Variants in FHIT observed in about 807,000 individuals in gnomAD.
FHIT encodes the protein fragile histidine triad diadenosine triphosphatase, also known as bis(5'-adenosyl)-triphosphatase.
A neutral mutation model predicts 17.9 loss-of-function variants in FHIT; 19 were observed. The observed-to-expected ratio is 1.06, with a 90% confidence interval of 0.74 to 1.56. The LOEUF (loss-of-function observed/expected upper bound fraction) is 1.56, where lower values mean the gene tolerates loss of function less well. FHIT is among the 40% of genes most tolerant of loss of function. The probability of loss-of-function intolerance (pLI) is 0.00; values close to 1 mark genes in which losing one functional copy is unlikely to be tolerated. For synonymous variants in FHIT, 81 were observed against 69.7 expected (o/e 1.16, Z -0.81); for missense variants, 248 against 189.2 (o/e 1.31, Z -1.82).
At chr3:60,652,201 G>C (rs1381748068) in intron 4 of FHIT, among the ~76,000 whole-genome samples, 4 of 152,152 alleles carry the variant, frequency 2.6e-5, no homozygotes, top group Non-Finnish European at 4.4e-5. Context: ...ATGTAACATT[G>C]ACCACCCTTC....
chr3:60,344,446 G>A lies in FHIT; in HGVS notation c.103+192414C>T, dbSNP rs147035615. ...TTTCAACTGAAGATTCTTGCCTCAT[G>A]TTGGAAACAGATTGAGAAAAGTCAC... is the stretch of plus-strand genomic sequence containing the variant. On this transcript the variant is annotated intron_variant, in intron 5 of 9. Coordinates refer to ENST00000492590, the MANE Select transcript of FHIT (RefSeq NM_002012.4). Among the ~76,000 whole-genome samples the A allele has an allele frequency of 9.4e-3, 1,425 of 152,232 alleles. 20 individuals carry two copies. The highest frequency in any genetic ancestry group is 0.033 in the African/African-American group (1,381 of 41,546).
intron 5 of FHIT, among the ~76,000 whole-genome samples, chr3:60,324,697 G>A (rs1882899): frequency 1.3e-5 from 2 of 151,822 alleles, no homozygotes; most frequent in Non-Finnish European, 2.9e-5. Context: ...AAGAACAAAT[G>A]CGTCCACTAT....
chr3:60,862,974 G>A (rs537863191), intron 3 of FHIT, among the ~76,000 whole-genome samples: 1 of 152,166 alleles, frequency 6.6e-6, no homozygotes, highest in Non-Finnish European at 1.5e-5. Context: ...ACATAGGAAG[G>A]TTATCTTGAA....
chr3:61,019,206 G>C (rs2032274559), intron 3 of FHIT, among the ~76,000 whole-genome samples: 1 of 152,144 alleles, frequency 6.6e-6, no homozygotes, highest in Non-Finnish European at 1.5e-5. Context: ...TTATATGTAT[G>C]TCTTCTCTAT....
chr3:60,049,495 T>G (rs1575975907), intron 5 of FHIT, among the ~76,000 whole-genome samples: 1 of 152,180 alleles, frequency 6.6e-6, no homozygotes, highest in Non-Finnish European at 1.5e-5. Flanking sequence ...AACTTAAATA[T>G]GAATCAATCA....
chr3:61,156,901 T>G (rs2037549286), intron 2 of FHIT, among the ~76,000 whole-genome samples: 1 of 152,180 alleles, frequency 6.6e-6, no homozygotes, highest in South Asian at 2.1e-4. Context: ...CCTCTAGAGA[T>G]TCTCCTGCAA....
At chr3:61,215,199 G>T (rs753492037) in intron 1 of FHIT, among the ~76,000 whole-genome samples, 5 of 152,070 alleles carry the variant, frequency 3.3e-5, no homozygotes, top group Non-Finnish European at 5.9e-5. Flanking sequence ...ATTCAATTAG[G>T]AAAAGAGGAA....
chr3:60,142,016 G>T (rs969049778), intron 5 of FHIT, among the ~76,000 whole-genome samples: 24 of 152,170 alleles, frequency 1.6e-4, no homozygotes, highest in Middle Eastern at 6.8e-3. Flanking sequence ...GACATGGGGG[G>T]ATAAAAAAGA....
chr3:60,702,640 C>T lies in FHIT; in HGVS notation c.-18+119279G>A, dbSNP rs1227214777. Among the ~76,000 whole-genome samples, 11 of 152,004 alleles carry T rather than the reference C, an allele frequency of 7.2e-5. No homozygotes were observed. In the South Asian group the frequency reaches 2.3e-3, roughly 32 times the overall value. ...GTTTTCTTAGTAACTGTGTAACAGT[C>T]ATAAATTCTCTATGAATATAATCAT... On this transcript the variant is annotated intron_variant, in intron 4 of 9. Coordinates refer to ENST00000492590, the MANE Select transcript of FHIT (RefSeq NM_002012.4).
chr3:60,062,581 A>C (rs1225804070), intron 5 of FHIT, among the ~76,000 whole-genome samples: 2 of 152,204 alleles, frequency 1.3e-5, no homozygotes, highest in African/African-American at 4.8e-5. Flanking sequence ...CCCAAAGATC[A>C]CGATCTTTCT....
chr3:61,221,893 G>A (rs1283460921), intron 1 of FHIT, among the ~76,000 whole-genome samples: 2 of 152,204 alleles, frequency 1.3e-5, no homozygotes, highest in Non-Finnish European at 2.9e-5. Flanking sequence ...AGCCTTGGGG[G>A]TAAACATTCC....
intron 3 of FHIT, among the ~76,000 whole-genome samples, chr3:61,022,995 C>T (rs149516720): frequency 0.031 from 4,690 of 152,150 alleles, 104 homozygotes; most frequent in African/African-American, 0.051. Flanking sequence ...CTGGCCAGGG[C>T]GATCAGGCAA....
At chr3:60,850,328 TCTCTCTCTCTCTCTCTCTCTC>T (rs1703105165) in intron 3 of FHIT, among the ~76,000 whole-genome samples, 1 of 63,688 alleles carries the variant, frequency 1.6e-5, no homozygotes, top group African/African-American at 1.1e-4. Context: ...TGCACTTCTC[TCTCTCTCTCTCTCTCTCTCTC>T]TCTCTCTCTC....
chr3:60,504,577 A>G (rs1188663810), intron 5 of FHIT, among the ~76,000 whole-genome samples: 1 of 152,210 alleles, frequency 6.6e-6, no homozygotes. Context: ...TGCCAAATAC[A>G]ATATATTGAT....
rs530060429 is a variant in FHIT, at chr3:60,535,876, G to A, written c.103+984C>T. ...AGAAGCTTGTTCATAAAGTTCTCAGGCACTTTCCACATTTTCACTGGAAAA... is the reference window on the plus strand; with the variant it reads ...AGAAGCTTGTTCATAAAGTTCTCAGACACTTTCCACATTTTCACTGGAAAA... On this transcript the variant is annotated intron_variant, in intron 5 of 9. Transcript: ENST00000492590. 4.6e-4 allele frequency: 69 copies of A among 150,890 alleles called. 1 individual carries two copies. Among genetic ancestry groups the A allele is most frequent in the African/African-American group, 1.7e-3 (68 of 41,056 alleles). The allele number at this position is 150,890 out of a possible 1,614,324, so 9.3% of individuals were successfully genotyped here.
intron 5 of FHIT, among the ~76,000 whole-genome samples, chr3:60,051,152 G>A (rs1003807812): frequency 1.3e-5 from 2 of 152,078 alleles, no homozygotes; most frequent in Admixed American, 6.6e-5. Flanking sequence ...TGAGGTAGGG[G>A]AAGGTTGGGC....
chr3:59,769,285 G>A (rs1444891520), intron 8 of FHIT, among the ~76,000 whole-genome samples: 1 of 152,198 alleles, frequency 6.6e-6, no homozygotes, highest in Non-Finnish European at 1.5e-5. Flanking sequence ...GGCTCGGAGT[G>A]TGTTTTGGGT....
intron 4 of FHIT, among the ~76,000 whole-genome samples, chr3:60,586,664 A>G (rs1032661738): frequency 3.9e-5 from 6 of 152,054 alleles, no homozygotes; most frequent in African/African-American, 1.4e-4. Context: ...TGCAGCCATA[A>G]AAAAAGAACA....
At chr3:60,764,333 A>G (rs781911606) in intron 4 of FHIT, among the ~76,000 whole-genome samples, 2 of 152,180 alleles carry the variant, frequency 1.3e-5, no homozygotes, top group Non-Finnish European at 2.9e-5. Flanking sequence ...AAGGATACAG[A>G]AAACTCCCAG....
Sources: allele counts gnomAD v4.1 joint callset (sites outside exome capture counted in the v4.1 genomes callset), GRCh38; gene constraint gnomAD v4.1.1; transcripts MANE v1.5; gene names NCBI Gene and HGNC (gene_info 2026-07-23, HGNC 2026-07-21).